M6PR: variants seen among roughly 807,000 people sequenced by gnomAD.
M6PR encodes cation-dependent mannose-6-phosphate receptor.
In M6PR, 19 loss-of-function variants were observed where a neutral mutation model predicts 33.1. The observed-to-expected ratio is 0.57, with a 90% CI of 0.40 to 0.84. M6PR has a LOEUF of 0.84. Ranked by LOEUF, M6PR falls within the 40% of genes least tolerant of loss-of-function variation. The pLI is 0.00. For synonymous variants in M6PR, 111 were observed against 123.4 expected (o/e 0.90, Z 0.67); for missense variants, 295 against 336.0 (o/e 0.88, Z 0.95).
chr12:8,948,284 C>T (rs926091649), intron 1 of M6PR, among the ~76,000 whole-genome samples: 1 of 152,150 alleles, frequency 6.6e-6, no homozygotes, highest in Non-Finnish European at 1.5e-5. Flanking sequence ...GTGGCATATG[C>T]GCTAAATGTT....
intron 1 of M6PR, among the ~76,000 whole-genome samples, chr12:8,948,113 A>G (rs748225480): frequency 1.3e-5 from 2 of 152,230 alleles, no homozygotes; most frequent in Non-Finnish European, 2.9e-5. Context: ...GAATCTCACA[A>G]AATTAGGAAG....
chr12:8,943,983 G>T, intron 3 of M6PR, 73 bp from the exon 4 acceptor site: 2 of 928,920 alleles, frequency 2.2e-6, no homozygotes, highest in Non-Finnish European at 3.5e-6. Flanking sequence ...GTATGGCAGA[G>T]TGGAATTGCG....
At chr12:8,946,471 G>A (rs952533340) in intron 1 of M6PR, 66 bp from the exon 2 acceptor site, 37 of 1,208,484 alleles carry the variant, frequency 3.1e-5, no homozygotes, top group Middle Eastern at 1.9e-4. Flanking sequence ...GAGATAAAGC[G>A]TATGAATGTG....
intron 1 of M6PR, 181 bp from the exon 2 acceptor site, chr12:8,946,586 A>T: frequency 1.9e-6 from 1 of 518,644 alleles, no homozygotes; most frequent in Non-Finnish European, 3.4e-6. Flanking sequence ...TCTGCAGCAG[A>T]AAATTCATTT....
At chr12:8,946,169 A>C in intron 2 of M6PR, 60 bp downstream of exon 2, 1 of 1,494,278 alleles carries the variant, frequency 6.7e-7, no homozygotes, top group South Asian at 1.2e-5. Flanking sequence ...TAAAATCAGT[A>C]AGAAGAAAAG....
At chr12:8,943,333 A>G in intron 5 of M6PR, 72 bp downstream of exon 5, 1 of 1,555,854 alleles carries the variant, frequency 6.4e-7, no homozygotes, top group Non-Finnish European at 8.8e-7. Context: ...GTGCTTATGT[A>G]CCACCATATA....
intron 5 of M6PR, among the ~76,000 whole-genome samples, chr12:8,942,905 C>T (rs1227676285): frequency 1.3e-5 from 2 of 151,734 alleles, no homozygotes; most frequent in South Asian, 2.1e-4. Flanking sequence ...AAATCTATAC[C>T]GGCAACTAAA....
rs987312358 is a variant in M6PR at position 8,943,507 on chromosome 12, C to T, written c.482G>A (p.Arg161His). Residue 161 changes from arginine to histidine, a missense_variant, in exon 5 of 7, where the codon CGT becomes CAT. By Grantham distance (29) the Arg-to-His change is conservative (BLOSUM62 0). Transcript: ENST00000000412. ...GTAGAAACAATCTTGGACTTTGCCA[C>T]GCTCCTCAGACACAGGGTTAAAATT... ...ADNFNPVSEE[R>H]GKVQDCFYLF... 27 of 1,614,188 alleles carry T rather than the reference C, an allele frequency of 1.7e-5. 1 individual carries two copies. The Middle Eastern group carries it at 4.9e-4, about 30-fold the overall frequency.
At position 8,948,469 on chromosome 12, in the gene M6PR, TA is replaced by T. The variant is rs573561936; in HGVS notation, c.-2+1018del. Among the ~76,000 whole-genome samples the T allele has an allele frequency of 6.8e-3, 1,037 of 152,320 alleles. 6 individuals carry two copies. Among genetic ancestry groups the T allele is most frequent in the Middle Eastern group, 0.024 (7 of 294 alleles). On this transcript the variant is annotated intron_variant, in intron 1 of 6. Coordinates refer to ENST00000000412, the MANE Select transcript of M6PR (RefSeq NM_002355.4). ...GGGGCAATTTAGACGATTCGTGGCA[TA>T]AAGATAACTGCTGGAAAACTTATAA... is the stretch of plus-strand genomic sequence containing the variant.
In M6PR at chr12:8,942,528, A is replaced by C. The variant is rs756275437; in HGVS notation, c.599T>G (p.Val200Gly). 1 of 1,614,186 alleles carries C rather than the reference A, an allele frequency of 6.2e-7. No individual in the cohort carries two copies. The highest frequency in any genetic ancestry group is 8.5e-7 in the Non-Finnish European group (1 of 1,180,012). ...SILLVTFASL[V>G]AVYVVGGFLY... ...GAACCCCCCAACAACATAAACAGCA[A>C]CCAGTGATGCAAACCTGTAGAGAGA... The change falls in exon 6 of 7, where the codon GTT (valine) becomes GGT (glycine). Residue 200 changes from valine to glycine, a missense_variant. Physicochemically the swap from Val to Gly is moderately radical, Grantham distance 109. Coordinates refer to ENST00000000412, the MANE Select transcript of M6PR (RefSeq NM_002355.4).
rs1300155306 is a variant in M6PR at position 8,945,421 on chromosome 12, C to T, written c.340G>A (p.Gly114Arg). 3.7e-6 allele frequency: 6 copies of T among 1,613,868 alleles called. No individual in the cohort carries two copies. Among genetic ancestry groups the T allele is most frequent in the South Asian group, 2.2e-5 (2 of 91,062 alleles). ...GTAGGAAGGGGAGTTTTCTTACTTC[C>T]GTTGAAGATGTGAGTCTCGTTGAGT... is the stretch of plus-strand genomic sequence containing the variant. Reference protein sequence around the residue: ...GRLNETHIFNGSNWIMLIYKG... With the variant: ...GRLNETHIFNRSNWIMLIYKG... Residue 114 changes from glycine to arginine, a missense_variant, in exon 3 of 7, where the codon GGA becomes AGA. Gly to Arg is a moderately radical substitution (Grantham distance 125). Transcript: ENST00000000412.
chr12:8,948,389 C>T (rs1187582922), intron 1 of M6PR, among the ~76,000 whole-genome samples: 1 of 152,164 alleles, frequency 6.6e-6, no homozygotes, highest in African/African-American at 2.4e-5. Flanking sequence ...TACAGAATTA[C>T]TTGTTAAATT....
Position 8,945,484 on chromosome 12 carries a change from T to C in M6PR, c.277A>G (p.Ile93Val), listed in dbSNP as rs377395466. 1.3e-4 allele frequency: 214 copies of C among 1,613,962 alleles called. No homozygotes were observed. Among genetic ancestry groups the C allele is most frequent in the Non-Finnish European group, 1.6e-4 (194 of 1,180,012 alleles). The change falls in exon 3 of 7, where the codon ATC becomes GTC. Residue 93 changes from isoleucine to valine, a missense_variant. Transcript: ENST00000000412. ...NHTSGAGLVQINKSNGKETVV... is the reference protein window; with the variant it reads ...NHTSGAGLVQVNKSNGKETVV... ...GTCTCCTTCCCATTACTTTTGTTGA[T>C]TTGCACCAGGCCTGCCCCAGAAGTG...
At position 8,946,328 on chromosome 12, in the gene M6PR, T is replaced by G. The variant is rs753587485; in HGVS notation, c.77A>C (p.Gln26Pro). 1.5e-5 allele frequency: 24 copies of G among 1,614,084 alleles called. No individual in the cohort carries two copies. In the South Asian group the frequency reaches 2.5e-4, roughly 17 times the overall value. ...LLAVAVRESWQTEEKTCDLVG... is the reference protein window; with the variant it reads ...LLAVAVRESWPTEEKTCDLVG... ...CAAGTCGCAAGTTTTTTCTTCTGTC[T>G]GCCAGGATTCTCTCACTGCCACAGC... Residue 26 changes from glutamine to proline, a missense_variant, in exon 2 of 7, where the codon CAG (glutamine) becomes CCG (proline). Transcript: ENST00000000412.
chr12:8,946,344 C>T lies in M6PR; in HGVS notation c.61G>A (p.Val21Met), dbSNP rs373741481. The stretch of plus-strand genomic sequence containing the variant: ...TCTTCTGTCTGCCAGGATTCTCTCA[C>T]TGCCACAGCCAGGAGTAGTAGTAGC... ...GLLLLLLAVA[V>M]RESWQTEEKT... Residue 21 changes from valine to methionine, a missense_variant, in exon 2 of 7, where the codon GTG becomes ATG. By Grantham distance (21) the Val-to-Met change is conservative (BLOSUM62 1). Transcript: ENST00000000412. 5.0e-6 allele frequency: 8 copies of T among 1,614,168 alleles called. No individual in the cohort carries two copies. Among genetic ancestry groups the T allele is most frequent in the Non-Finnish European group, 6.8e-6 (8 of 1,180,024 alleles).
intron 5 of M6PR, 102 bp downstream of exon 5, chr12:8,943,303 A>G: frequency 1.5e-6 from 2 of 1,328,066 alleles, no homozygotes; most frequent in Non-Finnish European, 2.1e-6. Flanking sequence ...CAATTACAGC[A>G]TAATGTACAC....
At chr12:8,946,182 TTTAACA>T (rs1946090248) in intron 2 of M6PR, 41 bp downstream of exon 2, 5 of 1,555,612 alleles carry the variant, frequency 3.2e-6, no homozygotes, top group Non-Finnish European at 4.4e-6. Flanking sequence ...AAGAAAAGAC[TTTAACA>T]TAAATATTTT....
In M6PR at chr12:8,945,446, T is replaced by C. The variant is rs1946080426; in HGVS notation, c.315A>G (p.Arg105=). The change falls in exon 3 of 7, where the codon AGA becomes AGG. Residue 105 remains arginine, a synonymous_variant. Transcript: ENST00000000412. ...CGTTGAAGATGTGAGTCTCGTTGAGTCTCCCTACCACTGTCTCCTTCCCAT... is the reference window on the plus strand; with the variant it reads ...CGTTGAAGATGTGAGTCTCGTTGAGCCTCCCTACCACTGTCTCCTTCCCAT... ...KSNGKETVVG[R]LNETHIFNGS... 6.2e-7 allele frequency: 1 copy of C among 1,613,806 alleles called. No homozygotes were observed. The highest frequency in any genetic ancestry group is 1.7e-5 in the Admixed American group (1 of 59,956).
intron 3 of M6PR, 137 bp downstream of exon 3, chr12:8,945,281 T>C: frequency 1.3e-6 from 1 of 796,704 alleles, no homozygotes; most frequent in Non-Finnish European, 2.1e-6. Flanking sequence ...TCCTGTGGTA[T>C]ATTACAGTCT....
Sources: allele counts gnomAD v4.1 joint callset (sites outside exome capture counted in the v4.1 genomes callset), GRCh38; gene constraint gnomAD v4.1.1; transcripts MANE v1.5; gene names NCBI Gene and HGNC (gene_info 2026-07-23, HGNC 2026-07-21).